Variants in SNTB1 observed in about 807,000 individuals in gnomAD.
SNTB1 encodes the protein syntrophin beta 1.
A neutral mutation model predicts 48.9 loss-of-function variants in SNTB1; 36 were observed. The ratio of observed to expected loss-of-function variants is 0.74; its 90% CI spans 0.56 to 0.97. The LOEUF is 0.97. Ranked by LOEUF, SNTB1 falls within the 50% of genes least tolerant of loss-of-function variation. The probability of loss-of-function intolerance (pLI) is 0.00; values close to 1 mark genes in which losing one functional copy is unlikely to be tolerated. For missense variants in SNTB1, 786 were observed against 703.4 expected, an observed-to-expected ratio of 1.12 and a Z score of -1.33; for synonymous variants, 299 against 294.6, an observed-to-expected ratio of 1.01 and a Z score of -0.15.
At chr8:120,767,662 C>G (rs536930036) in intron 1 of SNTB1, among the ~76,000 whole-genome samples, 5 of 152,192 alleles carry the variant, frequency 3.3e-5, no homozygotes, top group Non-Finnish European at 5.9e-5. Flanking sequence ...CTTCTTCCTC[C>G]TCATCTGTGA....
rs1050135353 is a variant in SNTB1 at position 120,737,076 on chromosome 8, A to G, written c.572-43168T>C. 2.6e-5 allele frequency among the ~76,000 whole-genome samples: 4 copies of G among 152,192 alleles called. 1 individual carries two copies. Among genetic ancestry groups the G allele is most frequent in the Admixed American group, 6.5e-5 (1 of 15,278 alleles). On this transcript the variant is annotated intron_variant, in intron 1 of 6. Transcript: ENST00000517992. ...CAGTCCAAGTGATAGATCCATCTTC[A>G]ACTTGTTGTGTGACCTTGAGCATAT... is the stretch of plus-strand genomic sequence containing the variant.
At chr8:120,615,578 C>A (rs868402355) in intron 3 of SNTB1, among the ~76,000 whole-genome samples, 1 of 152,182 alleles carries the variant, frequency 6.6e-6, no homozygotes, top group Non-Finnish European at 1.5e-5. Flanking sequence ...GGATTTACCA[C>A]CAAAATAGGA....
intron 2 of SNTB1, among the ~76,000 whole-genome samples, chr8:120,673,416 G>A (rs537309188): frequency 6.6e-6 from 1 of 151,558 alleles, no homozygotes; most frequent in African/African-American, 2.4e-5. Context: ...TTAGCCTCCC[G>A]AGTAGCTGGG....
At chr8:120,566,712 C>G (rs927585474) in intron 4 of SNTB1, among the ~76,000 whole-genome samples, 15 of 152,232 alleles carry the variant, frequency 9.9e-5, no homozygotes, top group Middle Eastern at 6.8e-3. Flanking sequence ...CGGGTCCCAT[C>G]CCCAGAGTTT....
chr8:120,538,984 GA>G lies in SNTB1; in HGVS notation c.1525-16del. 6.3e-7 allele frequency: 1 copy of G among 1,599,168 alleles called. No individual in the cohort carries two copies. ...AGGTCCAGTTGCTGAAATTTAAAAA[GA>G]AGAGAGCATGAGCGATTTTAAATTA... On this transcript the variant is annotated splice_polypyrimidine_tract_variant and intron_variant, in intron 6 of 6. Coordinates refer to ENST00000517992, the MANE Select transcript of SNTB1 (RefSeq NM_021021.4).
intron 3 of SNTB1, among the ~76,000 whole-genome samples, chr8:120,580,203 C>A (rs1243341298): frequency 6.6e-6 from 1 of 152,174 alleles, no homozygotes; most frequent in Non-Finnish European, 1.5e-5. Flanking sequence ...CTTTTTCTCG[C>A]TTCATACCAA....
intron 2 of SNTB1, among the ~76,000 whole-genome samples, chr8:120,652,295 G>C (rs1229818798): frequency 2.6e-5 from 4 of 152,122 alleles, no homozygotes; most frequent in Admixed American, 6.5e-5. Context: ...GAGGGTTGTA[G>C]GTGTGAAACA....
intron 4 of SNTB1, among the ~76,000 whole-genome samples, chr8:120,563,420 G>T (rs79570353): frequency 6.6e-6 from 1 of 151,984 alleles, no homozygotes; most frequent in Admixed American, 6.6e-5. Flanking sequence ...CTTCCTGAGC[G>T]CACTGCTATA....
chr8:120,681,529 A>C (rs1352258874), intron 2 of SNTB1, among the ~76,000 whole-genome samples: 2 of 152,238 alleles, frequency 1.3e-5, no homozygotes, highest in East Asian at 3.9e-4. Flanking sequence ...GGCCCTGAAA[A>C]GAGGGCCCTA....
At chr8:120,707,407 G>C (rs1044548378) in intron 1 of SNTB1, among the ~76,000 whole-genome samples, 2 of 152,164 alleles carry the variant, frequency 1.3e-5, no homozygotes, top group African/African-American at 4.8e-5. Flanking sequence ...ACTCTCTCAG[G>C]AGAGTAATTC....
chr8:120,616,348 G>A (rs1189787019), intron 3 of SNTB1, among the ~76,000 whole-genome samples: 2 of 149,436 alleles, frequency 1.3e-5, no homozygotes, highest in African/African-American at 5.0e-5. Context: ...CACATGGCCT[G>A]GGGTACAGTG....
At chr8:120,674,907 C>G (rs1817811008) in intron 2 of SNTB1, among the ~76,000 whole-genome samples, 1 of 152,174 alleles carries the variant, frequency 6.6e-6, no homozygotes, top group South Asian at 2.1e-4. Flanking sequence ...ATGTCACAAA[C>G]TTACATTCTA....
chr8:120,680,126 C>T (rs1817905379), intron 2 of SNTB1, among the ~76,000 whole-genome samples: 1 of 152,224 alleles, frequency 6.6e-6, no homozygotes, highest in African/African-American at 2.4e-5. Context: ...CTGTTGACAA[C>T]ACCCAGCCTG....
In SNTB1 at chr8:120,631,463, G is replaced by T. The variant is rs541033083; in HGVS notation, c.996+981C>A. ...TGGTGGAAAACCTGAGTATTATTTC[G>T]GGTGCCATTTGACTGGGCCTTCTCA... is the stretch of plus-strand genomic sequence containing the variant. On this transcript the variant is annotated intron_variant, in intron 3 of 6. Transcript: ENST00000517992. 4.6e-5 allele frequency among the ~76,000 whole-genome samples: 7 copies of T among 152,194 alleles called. No individual in the cohort carries two copies. The South Asian group carries it at 1.2e-3, about 27-fold the overall frequency.
intron 4 of SNTB1, among the ~76,000 whole-genome samples, chr8:120,563,361 A>T (rs1815694854): frequency 6.6e-6 from 1 of 152,018 alleles, no homozygotes; most frequent in African/African-American, 2.4e-5. Context: ...CCAAGGACTC[A>T]TAAAAAGCTG....
chr8:120,693,639 C>T, intron 2 of SNTB1, 53 bp downstream of exon 2: 2 of 1,512,300 alleles, frequency 1.3e-6, no homozygotes, highest in Non-Finnish European at 1.8e-6. Context: ...CCCCATTTAG[C>T]CTGAGAGGCC....
chr8:120,548,983 C>A (rs1308890527), intron 4 of SNTB1, 25 bp from the exon 5 acceptor site: 4 of 1,487,174 alleles, frequency 2.7e-6, no homozygotes, highest in Non-Finnish European at 3.6e-6. Context: ...AGAGAGACAT[C>A]ATCAAAATGG....
intron 1 of SNTB1, among the ~76,000 whole-genome samples, chr8:120,740,558 G>T (rs566910017): frequency 9.2e-5 from 14 of 152,222 alleles, no homozygotes; most frequent in African/African-American, 3.4e-4. Context: ...AAAGAAAAAA[G>T]AGGTGGGGAA....
At chr8:120,721,408 A>T (rs1332464166) in intron 1 of SNTB1, among the ~76,000 whole-genome samples, 1 of 152,172 alleles carries the variant, frequency 6.6e-6, no homozygotes, top group Non-Finnish European at 1.5e-5. Flanking sequence ...TTAAACAATG[A>T]TGTTACAAAT....
Sources: gnomAD v4.1 joint callset for allele counts (sites outside exome capture counted in the v4.1 genomes callset) on GRCh38, gnomAD v4.1.1 for gene constraint, MANE v1.5 for transcripts, NCBI Gene and HGNC (gene_info 2026-07-23, HGNC 2026-07-21) for gene names.